The following BHLHE40 variants were observed in gnomAD, a reference collection of about 807,000 sequenced individuals.
BHLHE40 encodes basic helix-loop-helix family member e40.
In BHLHE40, 3 loss-of-function variants were observed where a neutral mutation model predicts 35.7. That is an observed-to-expected ratio of 0.08 (90% CI 0.04 to 0.22). The LOEUF is 0.22. Ranked by LOEUF, BHLHE40 falls within the 10% of genes least tolerant of loss-of-function variation. The pLI is 1.00. For missense variants in BHLHE40, 486 were observed against 524.0 expected, an observed-to-expected ratio of 0.93 and a Z score of 0.71; for synonymous variants, 236 against 213.0, an observed-to-expected ratio of 1.11 and a Z score of -0.94.
chr3:4,980,106 C>A, intron 2 of BHLHE40, 75 bp downstream of exon 2: 1 of 1,528,564 alleles, frequency 6.5e-7, no homozygotes, highest in Non-Finnish European at 9.1e-7. Context: ...AGTTTTCTCG[C>A]TTTGAGGTTG....
chr3:4,980,666 T>G (rs1264381205), intron 3 of BHLHE40, among the ~76,000 whole-genome samples: 2 of 152,140 alleles, frequency 1.3e-5, no homozygotes, highest in African/African-American at 2.4e-5. Flanking sequence ...TAACTTCTGG[T>G]GATTTTCAGG....
At chr3:4,981,748 G>C in intron 4 of BHLHE40, 2 of 447,630 alleles carry the variant, frequency 4.5e-6, no homozygotes, top group Non-Finnish European at 7.7e-6. Flanking sequence ...TGGCATTTTA[G>C]CTTGAGAGTC....
chr3:4,985,000 A>G lies in BHLHE40; in HGVS notation c.*1308A>G, dbSNP rs905137309. On this transcript the variant is annotated 3_prime_UTR_variant, in exon 5 of 5. Coordinates refer to ENST00000256495, the MANE Select transcript of BHLHE40 (RefSeq NM_003670.3). ...TACTTGATTCACACAGTGAGAAAAA[A>G]TGAATGTATTCCTGTTTTTGAAGAG... 1 of 152,474 alleles carries G rather than the reference A, an allele frequency of 6.6e-6. No individual in the cohort carries two copies. The highest frequency in any genetic ancestry group is 2.4e-5 in the African/African-American group (1 of 41,432). 9.4% of individuals were successfully genotyped at this position (152,474 alleles called of 1,614,324 possible).
Position 4,979,456 on chromosome 3 carries a change from C to A in BHLHE40, c.-263C>A, listed in dbSNP as rs1235697808. The A allele has an allele frequency of 2.7e-6, 1 of 369,346 alleles. No individual in the cohort carries two copies. Among genetic ancestry groups the A allele is most frequent in the African/African-American group, 2.2e-5 (1 of 45,790 alleles). The allele number at this position is 369,346 out of a possible 1,614,324, so 22.9% of individuals were successfully genotyped here. A position where few individuals can be genotyped will look rare whatever the true frequency, so the allele number is the denominator to read the frequency against. On this transcript the variant is annotated 5_prime_UTR_variant, in exon 1 of 5. Transcript: ENST00000256495. Reference sequence around the variant, plus strand: ...CTTCTCATTCACTTGGCTCGCACGGCGCAGACAGACCGCGCAGGGAGCACA... The same window carrying A: ...CTTCTCATTCACTTGGCTCGCACGGAGCAGACAGACCGCGCAGGGAGCACA...
rs2053195859 is a variant in BHLHE40, at chr3:4,981,452, C to A, written c.319C>A (p.Leu107Ile). ...LELTLKHVKA[L>I]TNLIDQQQQK... Reference sequence around the variant, plus strand: ...ACTTACCTTGAAGCATGTGAAAGCACTAACAAACCTAATTGATCAGCAGCA... The same window carrying A: ...ACTTACCTTGAAGCATGTGAAAGCAATAACAAACCTAATTGATCAGCAGCA... The change falls in exon 4 of 5, where the codon CTA becomes ATA. Residue 107 changes from leucine to isoleucine, a missense_variant. Transcript: ENST00000256495. 1 of 1,613,992 alleles carries A rather than the reference C, an allele frequency of 6.2e-7. No individual in the cohort carries two copies. The highest frequency in any genetic ancestry group is 1.7e-5 in the Admixed American group (1 of 59,994).
chr3:4,982,742 A>T (rs199844835), intron 4 of BHLHE40, 94 bp from the exon 5 acceptor site: 3 of 1,390,204 alleles, frequency 2.2e-6, no homozygotes, highest in Non-Finnish European at 2.9e-6. Flanking sequence ...TTTTTTTTTT[A>T]ACAAAAACTA....
In BHLHE40 at chr3:4,982,905, G is replaced by A. The variant is rs1401151027; in HGVS notation, c.452G>A (p.Arg151Gln). 5 of 1,614,090 alleles carry A rather than the reference G, an allele frequency of 3.1e-6. No individual in the cohort carries two copies. The highest frequency in any genetic ancestry group is 2.2e-5 in the East Asian group (1 of 44,874). ...TGCTCAGGTTTCCAGACATGTGCCC[G>A]GGAGGTGCTTCAGTATCTGGCCAAG... The part of the protein sequence containing the change: ...MFCSGFQTCA[R>Q]EVLQYLAKHE... Residue 151 changes from arginine (R) to glutamine (Q), a missense_variant, in exon 5 of 5, where the codon CGG (arginine) becomes CAG (glutamine). Arg to Gln is a conservative substitution (Grantham distance 43). This residue lies in a region of BHLHE40 where 176 missense variants were observed against 180.5 expected (regional missense o/e 0.98). Transcript: ENST00000256495.
At position 4,983,959 on chromosome 3, in the gene BHLHE40, G is replaced by T; in HGVS notation, c.*267G>T. 4.4e-6 allele frequency: 2 copies of T among 458,606 alleles called. No homozygotes were observed. The highest frequency in any genetic ancestry group is 3.9e-6 in the Non-Finnish European group (1 of 258,452). The allele number at this position is 458,606 out of a possible 1,614,324, so 28.4% of individuals were successfully genotyped here. ...AGGATTGCTTGACATCAGGAGACTT[G>T]GGGGGGATTGTAGCAGACGTCTGGG... On this transcript the variant is annotated 3_prime_UTR_variant, in exon 5 of 5. Coordinates refer to ENST00000256495, the MANE Select transcript of BHLHE40 (RefSeq NM_003670.3). The surrounding 1 kb of genome is among the most constrained non-coding windows in gnomAD (Gnocchi z 5.0).
rs767270892 is a variant in BHLHE40 at position 4,980,371 on chromosome 3, A to G, written c.221A>G (p.Gln74Arg). The G allele has an allele frequency of 1.9e-6, 3 of 1,613,964 alleles. No individual in the cohort carries two copies. In the African/African-American group the frequency reaches 4.0e-5, roughly 22 times the overall value. ...GACCGGATTAACGAGTGCATCGCCC[A>G]GCTGAAGGATCTCCTACCCGAACAT... ...RRDRINECIA[Q>R]LKDLLPEHLK... Residue 74 changes from glutamine (Q) to arginine (R), a missense_variant, in exon 3 of 5, where the codon CAG (glutamine) becomes CGG (arginine). Physicochemically the swap from Gln to Arg is conservative, Grantham distance 43 (BLOSUM62 1). Transcript: ENST00000256495.
Position 4,984,443 on chromosome 3 carries a change from T to G in BHLHE40, c.*751T>G, listed in dbSNP as rs1331262742. On this transcript the variant is annotated 3_prime_UTR_variant, in exon 5 of 5. Transcript: ENST00000256495. ...GGAGGGAGGGAGGAGTTCCCTGGGCTTCTGGCACCTGTTTCTAGGCCTAAC... is the reference window on the plus strand; with the variant it reads ...GGAGGGAGGGAGGAGTTCCCTGGGCGTCTGGCACCTGTTTCTAGGCCTAAC... 1 of 152,308 alleles carries G rather than the reference T, an allele frequency of 6.6e-6. No homozygotes were observed. Among genetic ancestry groups the G allele is most frequent in the Non-Finnish European group, 1.5e-5 (1 of 68,160 alleles). The allele number at this position is 152,308 out of a possible 1,614,324, so 9.4% of individuals were successfully genotyped here.
intron 3 of BHLHE40, among the ~76,000 whole-genome samples, chr3:4,981,174 T>TAA (rs2053191517): frequency 1.4e-5 from 1 of 71,324 alleles, no homozygotes; most frequent in Non-Finnish European, 3.3e-5. Context: ...TATATATATA[T>TAA]TATATATATA....
intron 3 of BHLHE40, among the ~76,000 whole-genome samples, chr3:4,980,752 TC>T (rs796086478): frequency 2.4e-4 from 37 of 151,754 alleles, no homozygotes; most frequent in African/African-American, 8.2e-4. Context: ...CCTCTACCAC[TC>T]CCCCCACCTT....
At chr3:4,981,807 C>A (rs2053200255) in intron 4 of BHLHE40, among the ~76,000 whole-genome samples, 1 of 152,200 alleles carries the variant, frequency 6.6e-6, no homozygotes, top group Admixed American at 6.5e-5. Context: ...GCCAAGGCAC[C>A]TATAATTTGC....
In BHLHE40 at chr3:4,980,250, G is replaced by C. The variant is rs760884280; in HGVS notation, c.151-51G>C. ...TGTTGCTGCGGGGCTGGGAGGATAGGCTTCTCATCTCCTTCCCCAAGCGCC... is the reference window on the plus strand; with the variant it reads ...TGTTGCTGCGGGGCTGGGAGGATAGCCTTCTCATCTCCTTCCCCAAGCGCC... On this transcript the variant is annotated intron_variant, in intron 2 of 4. Transcript: ENST00000256495. The C allele has an allele frequency of 1.1e-5, 16 of 1,500,792 alleles. No individual in the cohort carries two copies. The African/African-American group carries it at 1.4e-4, about 13-fold the overall frequency. The allele number at this position is 1,500,792 out of a possible 1,614,324, so 93.0% of individuals were successfully genotyped here. A position where few individuals can be genotyped will look rare whatever the true frequency, so the allele number is the denominator to read the frequency against.
chr3:4,979,711 G>C lies in BHLHE40; in HGVS notation c.-8G>C, dbSNP rs376351623. ...CAGGAGCGCGCAGTGGCCCCGGCTC[G>C]CCGCGCCATGGAGCGGATCCCCAGC... On this transcript the variant is annotated 5_prime_UTR_variant, in exon 1 of 5. Transcript: ENST00000256495. The C allele has an allele frequency of 6.4e-7, 1 of 1,553,034 alleles. No homozygotes were observed. The highest frequency in any genetic ancestry group is 8.7e-7 in the Non-Finnish European group (1 of 1,148,596).
chr3:4,983,459 C>G lies in BHLHE40; in HGVS notation c.1006C>G (p.Leu336Val). ...GATCCCACCTTCAGCGACTGCCTAC[C>G]TGCCCATGCTGGAGAAGTGCTGGTA... ...YLIPPSATAY[L>V]PMLEKCWYPT... The change falls in exon 5 of 5, where the codon CTG becomes GTG. Residue 336 changes from leucine (L) to valine (V), a missense_variant. Around this residue, in one of 5 missense-constraint regions of BHLHE40, gnomAD observed 206 missense variants for 208.9 expected, o/e 0.99. Transcript: ENST00000256495. This position sits in a 1 kb window ranked among gnomAD's most constrained non-coding sequence, Gnocchi z 5.0. 6.2e-7 allele frequency: 1 copy of G among 1,614,194 alleles called. No individual in the cohort carries two copies. Among genetic ancestry groups the G allele is most frequent in the East Asian group, 2.2e-5 (1 of 44,874 alleles).
rs1219225546 is a variant in BHLHE40, at chr3:4,983,568, C to T, written c.1115C>T (p.Ser372Leu). The change falls in exon 5 of 5, where the codon TCG (serine) becomes TTG (leucine). Residue 372 changes from serine to leucine, a missense_variant. Around this residue, in one of 5 missense-constraint regions of BHLHE40, gnomAD observed 206 missense variants for 208.9 expected, o/e 0.99. Coordinates refer to ENST00000256495, the MANE Select transcript of BHLHE40 (RefSeq NM_003670.3). This position sits in a 1 kb window ranked among gnomAD's most constrained non-coding sequence, Gnocchi z 5.0. ...LSSFMNPDKI[S>L]APLLMPQRLP... The stretch of plus-strand genomic sequence containing the variant: ...AGCTTCATGAACCCAGACAAGATCT[C>T]GGCTCCCTTGCTCATGCCCCAGAGA... 6.2e-6 allele frequency: 10 copies of T among 1,614,026 alleles called. No homozygotes were observed. The Admixed American group carries it at 1.3e-4, about 22-fold the overall frequency.
chr3:4,979,588 G>A lies in BHLHE40; in HGVS notation c.-131G>A, dbSNP rs2053170381. On this transcript the variant is annotated 5_prime_UTR_variant, in exon 1 of 5. Transcript: ENST00000256495. The stretch of plus-strand genomic sequence containing the variant: ...CAAAGCCGAAGATTCCAGCAGCCCA[G>A]GGGATTTCAAAGAGCTCAGACTCAG... The A allele has an allele frequency of 1.1e-6, 1 of 940,592 alleles. No individual in the cohort carries two copies. The highest frequency in any genetic ancestry group is 2.6e-5 in the Admixed American group (1 of 37,760). 58.3% of individuals were successfully genotyped at this position (940,592 alleles called of 1,614,324 possible). A position where few individuals can be genotyped will look rare whatever the true frequency, so the allele number is the denominator to read the frequency against.
intron 3 of BHLHE40, among the ~76,000 whole-genome samples, 154 bp from the exon 4 acceptor site, chr3:4,981,234 GTCTA>G (rs1231328157): frequency 6.1e-5 from 9 of 148,632 alleles, no homozygotes; most frequent in Admixed American, 2.0e-4. Context: ...GAGTGTATCT[GTCTA>G]TCTTTTTAAA....
Sources: allele counts gnomAD v4.1 joint callset (sites outside exome capture counted in the v4.1 genomes callset), GRCh38; gene constraint gnomAD v4.1.1; regional missense constraint gnomAD v4.1.1; non-coding constraint Gnocchi (gnomAD v3.1); transcripts MANE v1.5; gene names NCBI Gene and HGNC (gene_info 2026-07-23, HGNC 2026-07-21).